GREB1L: variants seen among roughly 807,000 people sequenced by gnomAD.
GREB1L encodes GREB1 like retinoic acid receptor coactivator.
GREB1L carries 17 observed loss-of-function variants against 200.8 expected under a neutral mutation model. The observed-to-expected ratio is 0.08, with a 90% CI of 0.06 to 0.13. GREB1L has a LOEUF of 0.13. GREB1L is among the 10% of genes least tolerant of loss of function. GREB1L has a pLI of 1.00. For missense variants in GREB1L, 1,657 were observed against 2,367.7 expected, an observed-to-expected ratio of 0.70 and a Z score of 6.23; for synonymous variants, 789 against 893.0, an observed-to-expected ratio of 0.88 and a Z score of 2.08.
At chr18:21,464,160 A>C (rs1478541050) in intron 15 of GREB1L, among the ~76,000 whole-genome samples, 1 of 152,210 alleles carries the variant, frequency 6.6e-6, no homozygotes, top group Non-Finnish European at 1.5e-5. Flanking sequence ...TGATGGAATT[A>C]GAAAATCCCC....
At chr18:21,430,608 T>TTTTTTTTTA (rs1491530758) in intron 7 of GREB1L, among the ~76,000 whole-genome samples, 1 of 120,154 alleles carries the variant, frequency 8.3e-6, no homozygotes. Flanking sequence ...TTTTTTTTTT[T>TTTTTTTTTA]AATTTGAGAC....
At chr18:21,488,891 A>G (rs2036225764) in intron 18 of GREB1L, among the ~76,000 whole-genome samples, 2 of 152,136 alleles carry the variant, frequency 1.3e-5, no homozygotes, top group Admixed American at 1.3e-4. Flanking sequence ...TCCTGATCTC[A>G]AGTGATCCAC....
chr18:21,278,366 G>T (rs2038205116), intron 1 of GREB1L, among the ~76,000 whole-genome samples: 1 of 137,576 alleles, frequency 7.3e-6, no homozygotes, highest in Non-Finnish European at 1.5e-5. Flanking sequence ...GGCAACAAGA[G>T]CAAGACTCCA....
intron 1 of GREB1L, among the ~76,000 whole-genome samples, chr18:21,363,149 T>C: frequency 6.6e-6 from 1 of 152,164 alleles, no homozygotes; most frequent in East Asian, 1.9e-4. Context: ...GTCCAGATAT[T>C]AAGAGTCAGG....
intron 1 of GREB1L, among the ~76,000 whole-genome samples, chr18:21,276,353 A>G (rs930222143): frequency 5.3e-5 from 8 of 152,142 alleles, no homozygotes; most frequent in Non-Finnish European, 8.8e-5. Context: ...GTTGAGTTTT[A>G]TTGAAGAAAT....
At chr18:21,433,275 T>G (rs937371776) in intron 7 of GREB1L, among the ~76,000 whole-genome samples, 5 of 152,234 alleles carry the variant, frequency 3.3e-5, no homozygotes, top group Non-Finnish European at 7.3e-5. Context: ...TTTCTGTAGA[T>G]TAACTTTGTA....
Position 21,495,658 on chromosome 18 carries a change from C to A in GREB1L, c.3031-12C>A. The stretch of plus-strand genomic sequence containing the variant: ...AGAGTTTTAATTTTAACATACGGGT[C>A]TCTTTCTGTAGAGTTGGAGAGGAAA... On this transcript the variant is annotated splice_polypyrimidine_tract_variant and intron_variant, in intron 19 of 32. Coordinates refer to ENST00000424526, the MANE Select transcript of GREB1L (RefSeq NM_001142966.3). 1 of 1,341,100 alleles carries A rather than the reference C, an allele frequency of 7.5e-7. No individual in the cohort carries two copies. The highest frequency in any genetic ancestry group is 1.0e-6 in the Non-Finnish European group (1 of 963,882). 83.1% of individuals were successfully genotyped at this position (1,341,100 alleles called of 1,614,324 possible).
intron 3 of GREB1L, among the ~76,000 whole-genome samples, 169 bp from the exon 4 acceptor site, chr18:21,384,037 G>A (rs1232918057): frequency 6.6e-6 from 1 of 152,096 alleles, no homozygotes; most frequent in East Asian, 1.9e-4. Flanking sequence ...TTTAAAAAGT[G>A]GGATTCTTGT....
intron 9 of GREB1L, among the ~76,000 whole-genome samples, chr18:21,441,006 T>C (rs1306003370): frequency 1.3e-5 from 2 of 152,362 alleles, no homozygotes; most frequent in East Asian, 3.9e-4. Flanking sequence ...TGGTTGCTTG[T>C]AGGTAGTACT....
At chr18:21,419,274 A>G (rs2031937163) in intron 7 of GREB1L, among the ~76,000 whole-genome samples, 1 of 152,232 alleles carries the variant, frequency 6.6e-6, no homozygotes, top group Non-Finnish European at 1.5e-5. Context: ...TAACTATAAA[A>G]TTGTCTTTAT....
chr18:21,388,632 C>A (rs1040166346), intron 4 of GREB1L, among the ~76,000 whole-genome samples: 5 of 149,022 alleles, frequency 3.4e-5, no homozygotes, highest in African/African-American at 1.2e-4. Flanking sequence ...GCAAGCTCCG[C>A]CTCCCGGGTT....
At chr18:21,271,906 C>T (rs968468158) in intron 1 of GREB1L, among the ~76,000 whole-genome samples, 1 of 152,160 alleles carries the variant, frequency 6.6e-6, no homozygotes, top group Non-Finnish European at 1.5e-5. Context: ...ACAGAATTCT[C>T]ATGATGAGTT....
At chr18:21,434,529 G>A (rs1240976389) in intron 7 of GREB1L, among the ~76,000 whole-genome samples, 3 of 145,572 alleles carry the variant, frequency 2.1e-5, no homozygotes, top group African/African-American at 5.2e-5. Flanking sequence ...GTGTGTGTGT[G>A]TGTATATATA....
chr18:21,396,148 A>C (rs1047464947), intron 5 of GREB1L, among the ~76,000 whole-genome samples: 9 of 142,624 alleles, frequency 6.3e-5, no homozygotes, highest in African/African-American at 2.1e-4. Context: ...GGGTTCAAGC[A>C]ATCCTCCTGC....
intron 7 of GREB1L, among the ~76,000 whole-genome samples, chr18:21,423,903 T>C (rs1446561622): frequency 2.0e-5 from 3 of 152,120 alleles, no homozygotes; most frequent in Admixed American, 2.0e-4. Flanking sequence ...CATTTATTCT[T>C]ACATCCCTTA....
In GREB1L at chr18:21,490,297, T is replaced by C; in HGVS notation, c.2976T>C (p.Leu992=). The change falls in exon 19 of 33, where the codon CTT becomes CTC. Residue 992 remains leucine, a synonymous_variant. Coordinates refer to ENST00000424526, the MANE Select transcript of GREB1L (RefSeq NM_001142966.3). ...LGLQYRFEII[L]GNPATELSVA... ...TGCAGTATCGGTTTGAGATCATCCT[T>C]GGGAACCCGGCCACCGAACTCAGTG... The C allele has an allele frequency of 6.4e-7, 1 of 1,551,862 alleles. No individual in the cohort carries two copies. The highest frequency in any genetic ancestry group is 8.7e-7 in the Non-Finnish European group (1 of 1,147,018).
intron 19 of GREB1L, among the ~76,000 whole-genome samples, chr18:21,494,917 G>A (rs1179795138): frequency 6.6e-6 from 1 of 152,134 alleles, no homozygotes; most frequent in African/African-American, 2.4e-5. Context: ...CAAGATTGGT[G>A]TTCCATTTAT....
intron 1 of GREB1L, among the ~76,000 whole-genome samples, chr18:21,331,921 T>C (rs923189835): frequency 3.9e-5 from 6 of 152,222 alleles, no homozygotes; most frequent in Non-Finnish European, 8.8e-5. Flanking sequence ...ATTTAAGGTA[T>C]TTACATTCTT....
At chr18:21,270,282 G>A (rs527437277) in intron 1 of GREB1L, among the ~76,000 whole-genome samples, 3 of 152,284 alleles carry the variant, frequency 2.0e-5, no homozygotes, top group Non-Finnish European at 2.9e-5. Flanking sequence ...GCAGAGATGG[G>A]CTGATGGGTT....
Sources: gnomAD v4.1 joint callset for allele counts (sites outside exome capture counted in the v4.1 genomes callset) on GRCh38, gnomAD v4.1.1 for gene constraint, MANE v1.5 for transcripts, NCBI Gene and HGNC (gene_info 2026-07-23, HGNC 2026-07-21) for gene names.